The following PAK1 variants were observed in gnomAD, a reference collection of about 807,000 sequenced individuals.
PAK1 encodes serine/threonine-protein kinase PAK 1.
A neutral mutation model predicts 67.4 loss-of-function variants in PAK1; 29 were observed. The ratio of observed to expected loss-of-function variants is 0.43; its 90% CI spans 0.32 to 0.59. The LOEUF (loss-of-function observed/expected upper bound fraction) is 0.59. Among genes scored for constraint, PAK1 ranks in the 20% least tolerant of loss-of-function variants. The pLI is 0.07. For missense variants in PAK1, 337 were observed against 670.7 expected (o/e 0.50, Z 5.50); for synonymous variants, 223 against 237.4 (o/e 0.94, Z 0.56).
At chr11:77,524,923 T>A in the PAK1 span, among the ~76,000 whole-genome samples, 2 of 152,186 alleles carry the variant, frequency 1.3e-5, no homozygotes, top group African/African-American at 2.4e-5. Flanking sequence ...CATTTGCTGG[T>A]TGTATCTGTG....
chr11:77,475,330 C>G (rs1007140962), upstream of PAK1: 1 of 152,238 alleles, frequency 6.6e-6, no homozygotes, highest in Non-Finnish European at 1.5e-5. Flanking sequence ...ACCTGAACAA[C>G]TGGAGCAACC....
chr11:77,372,272 C>G (rs966322609), intron 5 of PAK1, among the ~76,000 whole-genome samples: 1 of 152,160 alleles, frequency 6.6e-6, no homozygotes, highest in Non-Finnish European at 1.5e-5. Flanking sequence ...TCTTTCCCAT[C>G]TTTTAATCAC....
At chr11:77,350,644 G>C (rs1002746408) in intron 8 of PAK1, among the ~76,000 whole-genome samples, 6 of 152,126 alleles carry the variant, frequency 3.9e-5, no homozygotes, top group African/African-American at 9.7e-5. Context: ...GGCAAGCCCT[G>C]AGATTATAAT....
chr11:77,432,066 G>C (rs1030160792), intron 1 of PAK1, among the ~76,000 whole-genome samples: 1 of 152,014 alleles, frequency 6.6e-6, no homozygotes, highest in Non-Finnish European at 1.5e-5. Context: ...CCTCCCACAA[G>C]CTTAAACAGT....
intron 1 of PAK1, among the ~76,000 whole-genome samples, chr11:77,416,952 C>CAA (rs145248652): frequency 7.6e-6 from 1 of 132,162 alleles, no homozygotes; most frequent in Non-Finnish European, 1.6e-5. Flanking sequence ...GACTCTGTCT[C>CAA]AAAAAAAAAA....
rs181313157 is a variant in PAK1, at chr11:77,357,347, C to T, written c.598-1505G>A. Reference sequence around the variant, plus strand: ...TAGTGGGAACAGCAATAAGCCAAGACGCTGAGATCAGAGGCAATGGCTTCC... The same window carrying T: ...TAGTGGGAACAGCAATAAGCCAAGATGCTGAGATCAGAGGCAATGGCTTCC... On this transcript the variant is annotated intron_variant, in intron 6 of 14. Coordinates refer to ENST00000356341, the MANE Select transcript of PAK1 (RefSeq NM_002576.5). Among the ~76,000 whole-genome samples, 104 of 152,260 alleles carry T rather than the reference C, an allele frequency of 6.8e-4. 1 individual carries two copies. Among genetic ancestry groups the T allele is most frequent in the African/African-American group, 2.3e-3 (95 of 41,564 alleles).
At chr11:77,409,143 G>C (rs1262264848) in intron 1 of PAK1, among the ~76,000 whole-genome samples, 1 of 151,952 alleles carries the variant, frequency 6.6e-6, no homozygotes, top group African/African-American at 2.4e-5. Context: ...ATGCTGACAT[G>C]TGCCTGCAGT....
At chr11:77,324,301 T>G (rs1462761469) in intron 14 of PAK1, among the ~76,000 whole-genome samples, 2 of 150,442 alleles carry the variant, frequency 1.3e-5, no homozygotes, top group Non-Finnish European at 2.9e-5. Context: ...ACCTCCCGAA[T>G]AGCTGGGACT....
chr11:77,358,502 G>A (rs1946344220), intron 6 of PAK1, among the ~76,000 whole-genome samples: 1 of 152,110 alleles, frequency 6.6e-6, no homozygotes, highest in South Asian at 2.1e-4. Flanking sequence ...CTAAGAGGCT[G>A]AACACTGCAC....
intron 5 of PAK1, among the ~76,000 whole-genome samples, chr11:77,367,437 A>G (rs1302991099): frequency 6.6e-6 from 1 of 152,174 alleles, no homozygotes; most frequent in Non-Finnish European, 1.5e-5. Context: ...AACAGGAAGG[A>G]AAAAACATCC....
chr11:77,425,217 C>T (rs1955486199), intron 1 of PAK1, among the ~76,000 whole-genome samples: 1 of 151,536 alleles, frequency 6.6e-6, no homozygotes, highest in Non-Finnish European at 1.5e-5. Context: ...AATAGGCATA[C>T]ACATCCCATT....
the PAK1 span, among the ~76,000 whole-genome samples, chr11:77,523,173 C>T: frequency 0.71 from 108,281 of 152,042 alleles, 39,133 homozygotes; most frequent in East Asian, 0.86. Flanking sequence ...CTCAGCATCA[C>T]GCAATATATC....
chr11:77,336,997 ACT>A (rs1342023800), intron 12 of PAK1, among the ~76,000 whole-genome samples: 1 of 150,994 alleles, frequency 6.6e-6, no homozygotes, highest in Non-Finnish European at 1.5e-5. Flanking sequence ...ATTATACAAA[ACT>A]CTTTTTTCTA....
chr11:77,465,848 C>T (rs539004132), intron 1 of PAK1, among the ~76,000 whole-genome samples: 1 of 152,144 alleles, frequency 6.6e-6, no homozygotes, highest in African/African-American at 2.4e-5. Flanking sequence ...TACTCGGAGA[C>T]TAAAGTGAGA....
At chr11:77,509,224 C>T in the PAK1 span, among the ~76,000 whole-genome samples, 1 of 151,692 alleles carries the variant, frequency 6.6e-6, no homozygotes, top group Non-Finnish European at 1.5e-5. Context: ...CGCCACTGCA[C>T]TCCAGCCTGG....
intron 5 of PAK1, among the ~76,000 whole-genome samples, chr11:77,365,852 A>G (rs909023601): frequency 2.6e-5 from 4 of 152,082 alleles, no homozygotes; most frequent in Non-Finnish European, 4.4e-5. Flanking sequence ...AAAAGAAAAA[A>G]AAAAAAATAA....
intron 14 of PAK1, among the ~76,000 whole-genome samples, chr11:77,331,954 G>C (rs891842466): frequency 6.6e-6 from 1 of 151,964 alleles, no homozygotes; most frequent in Non-Finnish European, 1.5e-5. Context: ...TTCTCAACAA[G>C]ACTCAAACAA....
chr11:77,520,728 C>T, the PAK1 span, among the ~76,000 whole-genome samples: 277 of 152,266 alleles, frequency 1.8e-3, 1 homozygote, highest in Middle Eastern at 3.4e-3. Flanking sequence ...TCGAAGAAGT[C>T]CCAGGGCTTC....
intron 1 of PAK1, among the ~76,000 whole-genome samples, chr11:77,459,887 G>C (rs1342779190): frequency 6.6e-6 from 1 of 151,848 alleles, no homozygotes; most frequent in Non-Finnish European, 1.5e-5. Context: ...TAGTAGAGAC[G>C]GGGTTTCACC....
Sources: gnomAD v4.1 joint callset for allele counts (sites outside exome capture counted in the v4.1 genomes callset) on GRCh38, gnomAD v4.1.1 for gene constraint, MANE v1.5 for transcripts, NCBI Gene and HGNC (gene_info 2026-07-23, HGNC 2026-07-21) for gene names.